The following EML6 variants were observed in gnomAD, a reference collection of about 807,000 sequenced individuals.
EML6 encodes the protein EMAP like 6, also known as echinoderm microtubule-associated protein-like 6.
Under a neutral mutation model 240.1 loss-of-function variants are expected in EML6, and 154 were observed. The observed-to-expected ratio is 0.64, with a 90% CI of 0.56 to 0.73. The LOEUF (loss-of-function observed/expected upper bound fraction) is 0.73, where lower values mean the gene tolerates loss of function less well. Ranked by LOEUF, EML6 falls within the 30% of genes least tolerant of loss-of-function variation. The pLI is 0.00. For missense variants in EML6, 2,964 were observed against 2,474.6 expected (o/e 1.20, Z -4.20); for synonymous variants, 1,148 against 899.0 (o/e 1.28, Z -4.95).
At chr2:54,731,121 C>T (rs1345580222) in intron 2 of EML6, among the ~76,000 whole-genome samples, 1 of 152,074 alleles carries the variant, frequency 6.6e-6, no homozygotes. Flanking sequence ...GATGTAGTGG[C>T]AGAGAAGAGG....
intron 2 of EML6, among the ~76,000 whole-genome samples, chr2:54,764,407 C>A (rs1668097935): frequency 6.6e-6 from 1 of 152,072 alleles, no homozygotes; most frequent in African/African-American, 2.4e-5. Flanking sequence ...ACATCTGATC[C>A]CCCCAAAGCA....
chr2:54,871,299 T>A, intron 15 of EML6, among the ~76,000 whole-genome samples: 1 of 152,208 alleles, frequency 6.6e-6, no homozygotes. Context: ...TCTACCTGAT[T>A]GCCAGGACAA....
At chr2:54,892,395 A>T in intron 18 of EML6, 59 bp from the exon 19 acceptor site, 1 of 1,147,584 alleles carries the variant, frequency 8.7e-7, no homozygotes, top group Non-Finnish European at 1.3e-6. Flanking sequence ...TAGTCCTTCT[A>T]CATGCTTATA....
chr2:54,760,868 G>A (rs955693417), intron 2 of EML6, among the ~76,000 whole-genome samples: 1 of 144,806 alleles, frequency 6.9e-6, no homozygotes, highest in Non-Finnish European at 1.5e-5. Flanking sequence ...ATCTGGGACA[G>A]ACTGAAAGAT....
chr2:54,916,814 G>T lies in EML6; in HGVS notation c.3554G>T (p.Gly1185Val), dbSNP rs993080336. Residue 1185 changes from glycine (G) to valine (V), a missense_variant, in exon 26 of 42, where the codon GGA (glycine) becomes GTA (valine). Transcript: ENST00000356458. Reference sequence around the variant, plus strand: ...TGTGTCCTGGGGCCCACCTGTGAGGGAATCTGGCCAGCACATAGCGATATA... The same window carrying T: ...TGTGTCCTGGGGCCCACCTGTGAGGTAATCTGGCCAGCACATAGCGATATA... ...WTCVLGPTCE[G>V]IWPAHSDITD... The T allele has an allele frequency of 1.3e-6, 2 of 1,546,410 alleles. No individual in the cohort carries two copies. The highest frequency in any genetic ancestry group is 1.4e-5 in the African/African-American group (1 of 72,996).
intron 2 of EML6, among the ~76,000 whole-genome samples, chr2:54,765,221 C>G (rs1668134513): frequency 6.6e-6 from 1 of 152,068 alleles, no homozygotes; most frequent in South Asian, 2.1e-4. Flanking sequence ...CACACATAAG[C>G]AGATCTCTAG....
rs569193038 is a variant in EML6 at position 54,885,460 on chromosome 2, A to T, written c.2439-5594A>T. Among the ~76,000 whole-genome samples the T allele has an allele frequency of 3.9e-3, 595 of 151,352 alleles. 11 individuals are homozygous for T. The East Asian group carries it at 0.043, about 11-fold the overall frequency. On this transcript the variant is annotated intron_variant, in intron 17 of 41. Coordinates refer to ENST00000356458, the MANE Select transcript of EML6 (RefSeq NM_001039753.4). ...GAAACTCTGTCTCAAAAAAAAAAAA[A>T]TTTTTTTTGGATGCTTAATGTTTTT... is the stretch of plus-strand genomic sequence containing the variant.
At chr2:54,833,605 G>T (rs181507694) in intron 7 of EML6, among the ~76,000 whole-genome samples, 84 of 152,216 alleles carry the variant, frequency 5.5e-4, no homozygotes, top group South Asian at 2.3e-3. Context: ...TGATTCTCAG[G>T]GCTCCCTCCC....
chr2:54,963,112 G>T (rs914986513), intron 36 of EML6, among the ~76,000 whole-genome samples: 8 of 149,480 alleles, frequency 5.4e-5, no homozygotes, highest in African/African-American at 2.0e-4. Flanking sequence ...AAATAGCAAG[G>T]AGTGGCTGGG....
chr2:54,742,320 A>G (rs1052473811), intron 2 of EML6, among the ~76,000 whole-genome samples: 1 of 152,114 alleles, frequency 6.6e-6, no homozygotes, highest in African/African-American at 2.4e-5. Flanking sequence ...CAGTAAGTCA[A>G]AGGGTATATG....
In EML6 at chr2:54,903,040, G is replaced by A. The variant is rs766789105; in HGVS notation, c.3125-4G>A. The A allele has an allele frequency of 1.3e-6, 2 of 1,549,654 alleles. No homozygotes were observed. The highest frequency in any genetic ancestry group is 2.4e-5 in the East Asian group (1 of 40,924). On this transcript the variant is annotated splice_region_variant and splice_polypyrimidine_tract_variant and intron_variant, in intron 22 of 41. Transcript: ENST00000356458. The stretch of plus-strand genomic sequence containing the variant: ...ATAAGTGTTTTTTGTGGATTCTTCT[G>A]TAGGTGGAAGATGCTGTGCCTTTTC...
intron 28 of EML6, among the ~76,000 whole-genome samples, chr2:54,943,888 A>G (rs1573191805): frequency 6.6e-6 from 1 of 152,182 alleles, no homozygotes; most frequent in Non-Finnish European, 1.5e-5. Context: ...GCACAATTCA[A>G]ACTTTTGAAA....
At chr2:54,746,399 C>G (rs1435610035) in intron 2 of EML6, among the ~76,000 whole-genome samples, 1 of 151,624 alleles carries the variant, frequency 6.6e-6, no homozygotes, top group Non-Finnish European at 1.5e-5. Flanking sequence ...GTTTGAAAAT[C>G]TATTTATTGT....
At position 54,775,049 on chromosome 2, in the gene EML6, C is replaced by T. The variant is rs571806060; in HGVS notation, c.198-38183C>T. 1.3e-4 allele frequency among the ~76,000 whole-genome samples: 20 copies of T among 152,280 alleles called. 1 individual carries two copies. The highest frequency in any genetic ancestry group is 4.6e-4 in the African/African-American group (19 of 41,566). The stretch of plus-strand genomic sequence containing the variant: ...GCAGACATGCAGTGGGGGGACCTTC[C>T]TACCCAGTGTGAGCCAGCATTTCTC... On this transcript the variant is annotated intron_variant, in intron 2 of 41. Coordinates refer to ENST00000356458, the MANE Select transcript of EML6 (RefSeq NM_001039753.4).
chr2:54,903,031 G>A lies in EML6; in HGVS notation c.3125-13G>A, dbSNP rs1279933811. ...TTTTGGATAATAAGTGTTTTTTGTG[G>A]ATTCTTCTGTAGGTGGAAGATGCTG... On this transcript the variant is annotated splice_polypyrimidine_tract_variant and intron_variant, in intron 22 of 41. Coordinates refer to ENST00000356458, the MANE Select transcript of EML6 (RefSeq NM_001039753.4). 13 of 1,542,774 alleles carry A rather than the reference G, an allele frequency of 8.4e-6. No individual in the cohort carries two copies. The highest frequency in any genetic ancestry group is 6.9e-5 in the African/African-American group (5 of 72,370).
In EML6 at chr2:54,938,743, A is replaced by G. The variant is rs1675277977; in HGVS notation, c.4004+9992A>G. On this transcript the variant is annotated intron_variant, in intron 28 of 41. Coordinates refer to ENST00000356458, the MANE Select transcript of EML6 (RefSeq NM_001039753.4). ...GCACAATGTGATGGGTTCCTTGGAC[A>G]TCTTCTGGCTGCACCTGTTCGGATC... Among the ~76,000 whole-genome samples the G allele has an allele frequency of 2.6e-5, 4 of 152,346 alleles. No homozygotes were observed. The South Asian group carries it at 8.3e-4, about 32-fold the overall frequency.
intron 2 of EML6, among the ~76,000 whole-genome samples, chr2:54,749,467 T>C (rs907634495): frequency 6.6e-6 from 1 of 152,130 alleles, no homozygotes; most frequent in Admixed American, 6.6e-5. Context: ...TATAGAGTTG[T>C]CCTACCAATA....
chr2:54,849,478 TGTTA>T (rs1669953026), intron 9 of EML6, among the ~76,000 whole-genome samples: 2 of 152,366 alleles, frequency 1.3e-5, no homozygotes, highest in African/African-American at 4.8e-5. Flanking sequence ...TTAAACAGTT[TGTTA>T]TTCTCCTAAA....
intron 25 of EML6, among the ~76,000 whole-genome samples, chr2:54,914,831 A>G (rs1052065994): frequency 6.6e-6 from 1 of 152,168 alleles, no homozygotes; most frequent in African/African-American, 2.4e-5. Flanking sequence ...TAAAAAGCTT[A>G]CCCAGCAAAT....
Sources: allele counts gnomAD v4.1 joint callset (sites outside exome capture counted in the v4.1 genomes callset), GRCh38; gene constraint gnomAD v4.1.1; transcripts MANE v1.5; gene names NCBI Gene and HGNC (gene_info 2026-07-23, HGNC 2026-07-21).